Variants in ROBO1 observed in about 807,000 individuals in gnomAD.
ROBO1 encodes the protein roundabout guidance receptor 1.
Under a neutral mutation model 195.9 loss-of-function variants are expected in ROBO1, and 149 were observed. The observed-to-expected ratio is 0.76, with a 90% confidence interval of 0.67 to 0.87. The LOEUF (loss-of-function observed/expected upper bound fraction) is 0.87, where lower values mean the gene tolerates loss of function less well. Among genes scored for constraint, ROBO1 ranks in the 40% least tolerant of loss-of-function variants. The pLI is 0.00. For missense variants in ROBO1, 1,933 were observed against 2,068.3 expected (o/e 0.93, Z 1.27); for synonymous variants, 816 against 733.2 (o/e 1.11, Z -1.82).
intron 3 of ROBO1, among the ~76,000 whole-genome samples, chr3:78,948,093 T>A (rs1208079213): frequency 1.3e-5 from 2 of 151,988 alleles, no homozygotes; most frequent in Non-Finnish European, 2.9e-5. Flanking sequence ...CTACCAGAGG[T>A]AGAAAAAGGA....
At chr3:79,019,149 A>T in intron 3 of ROBO1, 1 of 986,344 alleles carries the variant, frequency 1.0e-6, no homozygotes. Flanking sequence ...GACCGCGGAC[A>T]CTCGCACGTC....
chr3:78,785,862 A>G (rs1353462268), intron 4 of ROBO1, among the ~76,000 whole-genome samples: 1 of 152,194 alleles, frequency 6.6e-6, no homozygotes. Flanking sequence ...TATTTTATTT[A>G]GCTTTCTTCT....
chr3:79,628,435 A>G (rs1029296928), intron 1 of ROBO1, among the ~76,000 whole-genome samples: 4 of 152,146 alleles, frequency 2.6e-5, no homozygotes, highest in African/African-American at 9.7e-5. Context: ...TTGAACAATG[A>G]GAACACAAGG....
intron 4 of ROBO1, among the ~76,000 whole-genome samples, chr3:78,898,636 A>T (rs186648): frequency 6.6e-6 from 1 of 151,266 alleles, no homozygotes; most frequent in Admixed American, 6.6e-5. Flanking sequence ...TGATCTGCCC[A>T]CCTCGGCCTC....
At chr3:78,662,707 G>A (rs1390735191) in intron 14 of ROBO1, among the ~76,000 whole-genome samples, 1 of 152,076 alleles carries the variant, frequency 6.6e-6, no homozygotes, top group Non-Finnish European at 1.5e-5. Context: ...ATAAAATAAA[G>A]CTGATTAGAC....
Position 79,338,136 on chromosome 3 carries a change from T to G in ROBO1, c.89-212597A>C, listed in dbSNP as rs2034753742. Among the ~76,000 whole-genome samples, 4 of 152,336 alleles carry G rather than the reference T, an allele frequency of 2.6e-5. No individual in the cohort carries two copies. The South Asian group carries it at 6.2e-4, about 24-fold the overall frequency. ...TTCCTAATTGTATTTAATTTAAAAA[T>G]GCAGTAATTGCTTGCTGTTGTTTAT... On this transcript the variant is annotated intron_variant, in intron 2 of 30. Transcript: ENST00000464233.
chr3:78,904,107 T>C (rs329815), intron 4 of ROBO1, among the ~76,000 whole-genome samples: 65,845 of 151,400 alleles, frequency 0.43, 16,339 homozygotes, highest in African/African-American at 0.7. Flanking sequence ...TGACTATTAT[T>C]AGTGTATGTA....
At chr3:79,644,301 C>T (rs1258216104) in intron 1 of ROBO1, among the ~76,000 whole-genome samples, 6 of 151,992 alleles carry the variant, frequency 3.9e-5, no homozygotes, top group South Asian at 2.1e-4. Context: ...ATGAATCATC[C>T]AGACAGAAAA....
intron 2 of ROBO1, among the ~76,000 whole-genome samples, chr3:79,340,309 A>G (rs916343048): frequency 6.6e-6 from 1 of 152,164 alleles, no homozygotes; most frequent in Non-Finnish European, 1.5e-5. Flanking sequence ...GCTATGTCAC[A>G]AGATGGGACA....
At chr3:78,743,705 C>T (rs529972429) in intron 5 of ROBO1, among the ~76,000 whole-genome samples, 7 of 152,158 alleles carry the variant, frequency 4.6e-5, no homozygotes, top group Non-Finnish European at 8.8e-5. Context: ...AAGTTCTACA[C>T]ATAACTCAGG....
intron 4 of ROBO1, among the ~76,000 whole-genome samples, chr3:78,879,708 G>A (rs1478274609): frequency 6.6e-6 from 1 of 151,712 alleles, no homozygotes. Flanking sequence ...TTGACTCCTA[G>A]CGTTAACTAA....
At chr3:79,163,607 G>GT (rs1184298073) in intron 2 of ROBO1, among the ~76,000 whole-genome samples, 1 of 152,070 alleles carries the variant, frequency 6.6e-6, no homozygotes, top group Non-Finnish European at 1.5e-5. Flanking sequence ...CTGCCATACT[G>GT]TTTTTTACAG....
At chr3:79,606,542 A>G (rs769085089) in intron 1 of ROBO1, among the ~76,000 whole-genome samples, 15 of 151,908 alleles carry the variant, frequency 9.9e-5, no homozygotes, top group Non-Finnish European at 2.1e-4. Flanking sequence ...CCTTCTGAGT[A>G]GCTGGCACTA....
chr3:79,700,311 G>GTGTT (rs1947580970), intron 1 of ROBO1, among the ~76,000 whole-genome samples: 1 of 90,058 alleles, frequency 1.1e-5, no homozygotes, highest in African/African-American at 4.4e-5. Context: ...GTTTGTGTGT[G>GTGTT]TGTGTTTGTG....
chr3:79,301,716 A>C, intron 2 of ROBO1, among the ~76,000 whole-genome samples: 1 of 152,216 alleles, frequency 6.6e-6, no homozygotes, highest in East Asian at 1.9e-4. Flanking sequence ...AAAACCAACA[A>C]TAAAAACGAA....
intron 4 of ROBO1, among the ~76,000 whole-genome samples, chr3:78,916,794 G>A (rs888717369): frequency 6.6e-6 from 1 of 152,028 alleles, no homozygotes; most frequent in Non-Finnish European, 1.5e-5. Context: ...ACGTGGGTAA[G>A]GGTCTGGATA....
At chr3:78,700,201 AT>A (rs752758957) in intron 8 of ROBO1, among the ~76,000 whole-genome samples, 17 of 152,184 alleles carry the variant, frequency 1.1e-4, no homozygotes, top group Non-Finnish European at 1.9e-4. Flanking sequence ...ACTTAGTCCT[AT>A]TTTAAGAGTC....
intron 1 of ROBO1, among the ~76,000 whole-genome samples, chr3:79,726,279 C>A (rs1378886252): frequency 6.6e-6 from 1 of 152,172 alleles, no homozygotes; most frequent in Non-Finnish European, 1.5e-5. Flanking sequence ...CCTGGTTCAT[C>A]TACAGTCCCT....
chr3:79,258,219 C>T (rs916234414), intron 2 of ROBO1, among the ~76,000 whole-genome samples: 3 of 152,180 alleles, frequency 2.0e-5, no homozygotes, highest in Non-Finnish European at 2.9e-5. Context: ...TGTACTTCAT[C>T]TTTGTTGTTG....
Sources: allele counts gnomAD v4.1 joint callset (sites outside exome capture counted in the v4.1 genomes callset), GRCh38; gene constraint gnomAD v4.1.1; transcripts MANE v1.5; gene names NCBI Gene and HGNC (gene_info 2026-07-23, HGNC 2026-07-21).